Variants in GNA15 observed in about 807,000 individuals in gnomAD.
GNA15 encodes the protein guanine nucleotide-binding protein subunit alpha-15.
GNA15 carries 23 observed loss-of-function variants against 40.1 expected under a neutral mutation model. That is an observed-to-expected ratio of 0.57 (90% CI 0.41 to 0.81). The LOEUF is 0.81. GNA15 is among the 40% of genes least tolerant of loss of function. The pLI is 0.00. For synonymous variants in GNA15, 226 were observed against 210.4 expected (o/e 1.07, Z -0.64); for missense variants, 522 against 515.8 (o/e 1.01, Z -0.12).
At chr19:3,161,611 T>C (rs964839681) in intron 6 of GNA15, among the ~76,000 whole-genome samples, 1 of 152,108 alleles carries the variant, frequency 6.6e-6, no homozygotes, top group African/African-American at 2.4e-5. Context: ...AATCAGCTCA[T>C]AGTTTAGAGA....
chr19:3,144,731 T>G (rs1000348924), intron 1 of GNA15, among the ~76,000 whole-genome samples: 2 of 151,526 alleles, frequency 1.3e-5, no homozygotes, highest in Admixed American at 6.6e-5. Context: ...GGTTTCACCG[T>G]GTTAGCCAGG....
chr19:3,158,145 C>T (rs765211120), intron 6 of GNA15, among the ~76,000 whole-genome samples: 2 of 152,034 alleles, frequency 1.3e-5, no homozygotes, highest in Non-Finnish European at 2.9e-5. Context: ...ACACCTTAAA[C>T]ATTTTATTTA....
At chr19:3,141,906 C>T (rs1914584634) in intron 1 of GNA15, 3 of 152,460 alleles carry the variant, frequency 2.0e-5, no homozygotes, top group Admixed American at 2.0e-4. Context: ...AAAATGAGGC[C>T]CAAGGAGGCA....
rs1174043453 is a variant in GNA15, at chr19:3,136,941, G to A, written c.145+346G>A. Among the ~76,000 whole-genome samples, 15 of 152,224 alleles carry A rather than the reference G, an allele frequency of 9.9e-5. No individual in the cohort carries two copies. Among genetic ancestry groups the A allele is most frequent in the Admixed American group, 9.8e-4 (15 of 15,286 alleles). On this transcript the variant is annotated intron_variant, in intron 1 of 6. Transcript: ENST00000262958. The surrounding 1 kb of genome is among the most constrained non-coding windows in gnomAD (Gnocchi z 4.9). The stretch of plus-strand genomic sequence containing the variant: ...TGGCGAGGGAATGATGAGCTCAGGT[G>A]TGCAACCCGTTCTGGCCAGCCCACC...
chr19:3,153,080 A>G (rs1914917608), intron 4 of GNA15, among the ~76,000 whole-genome samples: 1 of 151,732 alleles, frequency 6.6e-6, no homozygotes, highest in South Asian at 2.1e-4. Context: ...GCTGCTGCTC[A>G]CTCTTTGGGT....
chr19:3,136,249 C>G lies in GNA15; in HGVS notation c.-202C>G, dbSNP rs896718518. On this transcript the variant is annotated 5_prime_UTR_variant, in exon 1 of 7. Coordinates refer to ENST00000262958, the MANE Select transcript of GNA15 (RefSeq NM_002068.4). This position sits in a 1 kb window ranked among gnomAD's most constrained non-coding sequence, Gnocchi z 4.9. Reference sequence around the variant, plus strand: ...CCCCACCCTGTTCCCAGCACTCAAGCCTTGCCACCGCCGAGCCGGGCTTCC... The same window carrying G: ...CCCCACCCTGTTCCCAGCACTCAAGGCTTGCCACCGCCGAGCCGGGCTTCC... 4.4e-5 allele frequency: 25 copies of G among 570,498 alleles called. No individual in the cohort carries two copies. Among genetic ancestry groups the G allele is most frequent in the Non-Finnish European group, 7.4e-5 (24 of 324,312 alleles). The allele number at this position is 570,498 out of a possible 1,614,324, so 35.3% of individuals were successfully genotyped here. A position where few individuals can be genotyped will look rare whatever the true frequency, so the allele number is the denominator to read the frequency against.
intron 1 of GNA15, among the ~76,000 whole-genome samples, chr19:3,146,147 G>C (rs926917378): frequency 6.6e-6 from 1 of 151,978 alleles, no homozygotes; most frequent in Non-Finnish European, 1.5e-5. Context: ...TGCCTGCACC[G>C]ACCCCTACCC....
rs1343186491 is a variant in GNA15 at position 3,146,023 on chromosome 19, G to A, written c.146-2568G>A. 3.3e-5 allele frequency among the ~76,000 whole-genome samples: 5 copies of A among 152,206 alleles called. No individual in the cohort carries two copies. The South Asian group carries it at 8.3e-4, about 25-fold the overall frequency. On this transcript the variant is annotated intron_variant, in intron 1 of 6. Transcript: ENST00000262958. ...ACAGCCCTTTGGGGAGATGGGAGGT[G>A]ACACCCCCGCCCCTTCTCCGTGCTC...
At chr19:3,139,686 T>G (rs1395211774) in intron 1 of GNA15, among the ~76,000 whole-genome samples, 1 of 151,130 alleles carries the variant, frequency 6.6e-6, no homozygotes, top group Non-Finnish European at 1.5e-5. Context: ...GATCATGAGG[T>G]CAGGAGGTTG....
intron 1 of GNA15, among the ~76,000 whole-genome samples, 171 bp from the exon 2 acceptor site, chr19:3,148,420 G>A (rs1192540682): frequency 2.6e-5 from 4 of 152,102 alleles, no homozygotes; most frequent in Non-Finnish European, 5.9e-5. Context: ...GGGAAACCAA[G>A]GCACAGAGCG....
chr19:3,137,080 G>A (rs931682248), intron 1 of GNA15, among the ~76,000 whole-genome samples: 4 of 152,232 alleles, frequency 2.6e-5, no homozygotes, highest in Non-Finnish European at 5.9e-5. Context: ...GGCTAGAAAG[G>A]ATGGATTGAT....
intron 3 of GNA15, among the ~76,000 whole-genome samples, chr19:3,150,683 T>G (rs310679): frequency 0.42 from 62,969 of 150,730 alleles, 14,933 homozygotes; most frequent in African/African-American, 0.67. Flanking sequence ...GTGCCTGGGG[T>G]TCCCTGTTCC....
intron 4 of GNA15, among the ~76,000 whole-genome samples, chr19:3,152,296 A>G (rs1223729003): frequency 6.6e-6 from 1 of 152,016 alleles, no homozygotes; most frequent in Admixed American, 6.6e-5. Context: ...AGGAGCCAGG[A>G]CAGCGGGCGT....
rs756256795 is a variant in GNA15 at position 3,151,815 on chromosome 19, CG to C, written c.595del (p.Val199CysfsTer28). On this transcript the variant is annotated frameshift_variant, in exon 4 of 7. Coordinates refer to ENST00000262958, the MANE Select transcript of GNA15 (RefSeq NM_002068.4). LOFTEE classifies it high-confidence loss of function. This position sits in a 1 kb window ranked among gnomAD's most constrained non-coding sequence, Gnocchi z 5.0. ...CTGGCATCAACGAGTACTGCTTCTC[CG>C]TGCAGAAAACCAACCTGCGGTGAGC... is the stretch of plus-strand genomic sequence containing the variant. ...TTGINEYCFS[V>X]QKTNLRIVDV... 1.9e-6 allele frequency: 3 copies of C among 1,611,692 alleles called. 1 individual carries two copies. The highest frequency in any genetic ancestry group is 2.5e-6 in the Non-Finnish European group (3 of 1,179,144).
Position 3,157,803 on chromosome 19 carries a change from C to T in GNA15, c.820C>T (p.Leu274Phe), listed in dbSNP as rs1915063259. 6.2e-7 allele frequency: 1 copy of T among 1,613,376 alleles called. No individual in the cohort carries two copies. Among genetic ancestry groups the T allele is most frequent in the Non-Finnish European group, 8.5e-7 (1 of 1,179,314 alleles). Residue 274 changes from leucine to phenylalanine, a missense_variant, in exon 6 of 7, where the codon CTC becomes TTC. Physicochemically the swap from Leu to Phe is conservative, Grantham distance 22 (BLOSUM62 0). Transcript: ENST00000262958. The part of the protein sequence containing the change: ...LPWFKSTSVI[L>F]FLNKTDILEE... ...CTGGTTCAAAAGCACATCCGTCATC[C>T]TCTTTCTCAACAAAACCGACATCCT...
At position 3,163,010 on chromosome 19, in the gene GNA15, C is replaced by T. The variant is rs769104147; in HGVS notation, c.1116C>T (p.Asn372=). ...TCGCCCGCTACCTGGACGAGATCAACCTGCTGTGACCCAGGCCCCACCTGG... is the reference window on the plus strand; with the variant it reads ...TCGCCCGCTACCTGGACGAGATCAATCTGCTGTGACCCAGGCCCCACCTGG... ...SVLARYLDEI[N]LL Residue 372 remains asparagine (N), a synonymous_variant, in exon 7 of 7, where the codon AAC becomes AAT. Coordinates refer to ENST00000262958, the MANE Select transcript of GNA15 (RefSeq NM_002068.4). The T allele has an allele frequency of 1.7e-5, 28 of 1,611,902 alleles. No homozygotes were observed. The highest frequency in any genetic ancestry group is 2.0e-5 in the Non-Finnish European group (24 of 1,178,252).
chr19:3,157,925 C>G (rs1342437061), intron 6 of GNA15, 44 bp downstream of exon 6: 2 of 1,479,604 alleles, frequency 1.4e-6, no homozygotes, highest in Non-Finnish European at 1.9e-6. Flanking sequence ...CTCCCAAAAG[C>G]AGCTCCGAAG....
chr19:3,156,256 C>T (rs568816217), intron 5 of GNA15, among the ~76,000 whole-genome samples: 8 of 147,250 alleles, frequency 5.4e-5, no homozygotes, highest in African/African-American at 1.8e-4. Flanking sequence ...CGCACAGACA[C>T]GTGCATAATA....
chr19:3,145,190 G>C (rs1599321639), intron 1 of GNA15, among the ~76,000 whole-genome samples: 1 of 146,422 alleles, frequency 6.8e-6, no homozygotes, highest in South Asian at 2.1e-4. Flanking sequence ...TTTTTTTTGA[G>C]ACAAGGTCTT....
Sources: gnomAD v4.1 joint callset for allele counts (sites outside exome capture counted in the v4.1 genomes callset) on GRCh38, gnomAD v4.1.1 for gene constraint, Gnocchi (gnomAD v3.1) non-coding constraint, MANE v1.5 for transcripts, NCBI Gene and HGNC (gene_info 2026-07-23, HGNC 2026-07-21) for gene names.